The following AHR variants were observed in gnomAD, a reference collection of about 807,000 sequenced individuals.
AHR encodes AH-receptor.
Under a neutral mutation model 86.8 loss-of-function variants are expected in AHR, and 40 were observed. The ratio of observed to expected loss-of-function variants is 0.46; its 90% CI spans 0.36 to 0.60. The LOEUF is 0.60. AHR is among the 20% of genes least tolerant of loss of function. The pLI is 0.00. For synonymous variants in AHR, 398 were observed against 354.9 expected (o/e 1.12, Z -1.37); for missense variants, 1,001 against 1,011.6 (o/e 0.99, Z 0.14).
chr7:17,344,949 GA>G lies in AHR; in HGVS notation c.*1886del, dbSNP rs869124040. On this transcript the variant is annotated 3_prime_UTR_variant, in exon 11 of 11. Coordinates refer to ENST00000242057, the MANE Select transcript of AHR (RefSeq NM_001621.5). Reference sequence around the variant, plus strand: ...CAGCTCTTCTTTTCTTTAGATATGAGAGCTGAAGAGCTTAGACACATTTTGC... The same window carrying G: ...CAGCTCTTCTTTTCTTTAGATATGAGGCTGAAGAGCTTAGACACATTTTGC... 6.8e-6 allele frequency: 1 copy of G among 147,108 alleles called. No homozygotes were observed. Among genetic ancestry groups the G allele is most frequent in the Non-Finnish European group, 1.5e-5 (1 of 66,942 alleles). The allele number at this position is 147,108 out of a possible 1,614,324, so 9.1% of individuals were successfully genotyped here. A position where few individuals can be genotyped will look rare whatever the true frequency, so the allele number is the denominator to read the frequency against.
intron 4 of AHR, among the ~76,000 whole-genome samples, chr7:17,328,970 C>G (rs1388061982): frequency 2.0e-5 from 3 of 151,776 alleles, no homozygotes; most frequent in Non-Finnish European, 2.9e-5. Context: ...CATAGAAAAG[C>G]CTGTTTGAAG....
intron 1 of AHR, among the ~76,000 whole-genome samples, chr7:17,300,479 C>T (rs1781943765): frequency 6.6e-6 from 1 of 152,158 alleles, no homozygotes; most frequent in Non-Finnish European, 1.5e-5. Context: ...TTTAAAGTTT[C>T]ATTCTAAAAT....
intron 2 of AHR, 95 bp downstream of exon 2, chr7:17,310,218 C>A: frequency 8.3e-7 from 1 of 1,206,984 alleles, no homozygotes; most frequent in Non-Finnish European, 1.1e-6. Context: ...AAAAATTAGC[C>A]GTATTTGGAA....
Position 17,334,907 on chromosome 7 carries a change from A to G in AHR, c.929A>G (p.Tyr310Cys), listed in dbSNP as rs1266055543. ...CDAKGRIVLG[Y>C]TEAELCTRGS... ...AACAGAGGAAGAATTGTTTTAGGAT[A>G]TACTGAAGCAGAGCTGTGCACGAGA... Residue 310 changes from tyrosine to cysteine, a missense_variant, in exon 8 of 11, where the codon TAT becomes TGT. Tyr to Cys is a radical substitution (Grantham distance 194). Coordinates refer to ENST00000242057, the MANE Select transcript of AHR (RefSeq NM_001621.5). 2 of 1,611,606 alleles carry G rather than the reference A, an allele frequency of 1.2e-6. No individual in the cohort carries two copies.
chr7:17,319,900 C>T (rs914262479), intron 2 of AHR, among the ~76,000 whole-genome samples: 2 of 151,958 alleles, frequency 1.3e-5, no homozygotes, highest in African/African-American at 4.8e-5. Context: ...TTTAAAAGTC[C>T]ACCCTTCTCA....
chr7:17,319,477 C>A (rs147057493), intron 2 of AHR, among the ~76,000 whole-genome samples: 1 of 152,108 alleles, frequency 6.6e-6, no homozygotes, highest in African/African-American at 2.4e-5. Flanking sequence ...TTTTCTCAAT[C>A]TCCTTAAGTC....
chr7:17,299,144 TG>T lies in AHR; in HGVS notation c.-119del. Reference sequence around the variant, plus strand: ...CGCCACTGTCCCGAGAGGACGCAGGTGGAGCGGGCGCGGCTTCGCGGAACCC... The same window carrying T: ...CGCCACTGTCCCGAGAGGACGCAGGTGAGCGGGCGCGGCTTCGCGGAACCC... On this transcript the variant is annotated 5_prime_UTR_variant, in exon 1 of 11. Coordinates refer to ENST00000242057, the MANE Select transcript of AHR (RefSeq NM_001621.5). 9.1e-7 allele frequency: 1 copy of T among 1,098,164 alleles called. No individual in the cohort carries two copies. Among genetic ancestry groups the T allele is most frequent in the Non-Finnish European group, 1.2e-6 (1 of 800,048 alleles). 68.0% of individuals were successfully genotyped at this position (1,098,164 alleles called of 1,614,324 possible).
chr7:17,342,040 T>TTA (rs1289744853), intron 10 of AHR, among the ~76,000 whole-genome samples: 1 of 152,172 alleles, frequency 6.6e-6, no homozygotes, highest in East Asian at 1.9e-4. Flanking sequence ...ACTATAGATT[T>TTA]TATATATGTT....
chr7:17,324,361 C>CT (rs1782205764), intron 3 of AHR, among the ~76,000 whole-genome samples: 1 of 152,128 alleles, frequency 6.6e-6, no homozygotes, highest in South Asian at 2.1e-4. Flanking sequence ...TGACATCTGA[C>CT]TTTATATTGC....
rs965434507 is a variant in AHR at position 17,344,587 on chromosome 7, T to A, written c.*1523T>A. ...ATTAATCACCCTACCAACTTTACTG[T>A]CCTAACATGGTTTAAAAGAAAAAAT... On this transcript the variant is annotated 3_prime_UTR_variant, in exon 11 of 11. Coordinates refer to ENST00000242057, the MANE Select transcript of AHR (RefSeq NM_001621.5). The A allele has an allele frequency of 3.3e-5, 5 of 152,088 alleles. No homozygotes were observed. Among genetic ancestry groups the A allele is most frequent in the Non-Finnish European group, 7.4e-5 (5 of 67,948 alleles). 9.4% of individuals were successfully genotyped at this position (152,088 alleles called of 1,614,324 possible). A position where few individuals can be genotyped will look rare whatever the true frequency, so the allele number is the denominator to read the frequency against.
chr7:17,330,782 G>A lies in AHR; in HGVS notation c.601G>A (p.Val201Ile), dbSNP rs1180727571. Residue 201 changes from valine to isoleucine, a missense_variant, in exon 6 of 11, where the codon GTC (valine) becomes ATC (isoleucine). Val to Ile is a conservative substitution (Grantham distance 29, BLOSUM62 3). Around this residue, in one of 2 missense-constraint regions of AHR, gnomAD observed 394 missense variants for 468.5 expected, o/e 0.84. Coordinates refer to ENST00000242057, the MANE Select transcript of AHR (RefSeq NM_001621.5). ...AGCCACTGGTCTCCCCCAGACAGTA[G>A]TCTGTTATAACCCAGACCAGATTCC... ...EEATGLPQTVVCYNPDQIPPE... is the reference protein window; with the variant it reads ...EEATGLPQTVICYNPDQIPPE... 8.1e-6 allele frequency: 13 copies of A among 1,610,854 alleles called. No homozygotes were observed. Among genetic ancestry groups the A allele is most frequent in the Non-Finnish European group, 1.0e-5 (12 of 1,177,876 alleles).
chr7:17,332,640 G>A lies in AHR; in HGVS notation c.706-1272G>A, dbSNP rs184544382. On this transcript the variant is annotated intron_variant, in intron 6 of 10. Coordinates refer to ENST00000242057, the MANE Select transcript of AHR (RefSeq NM_001621.5). ...TAAAGAAAGAAAATGTTTTTGTATGGCTGTACACTGTGTTTAAGTGTTATT... is the reference window on the plus strand; with the variant it reads ...TAAAGAAAGAAAATGTTTTTGTATGACTGTACACTGTGTTTAAGTGTTATT... Among the ~76,000 whole-genome samples, 12 of 152,078 alleles carry A rather than the reference G, an allele frequency of 7.9e-5. No individual in the cohort carries two copies. The East Asian group carries it at 2.3e-3, about 29-fold the overall frequency.
intron 2 of AHR, among the ~76,000 whole-genome samples, chr7:17,312,559 TATTC>T (rs1211671871): frequency 3.3e-5 from 5 of 152,194 alleles, no homozygotes; most frequent in Admixed American, 6.6e-5. Context: ...AGTGTCCTAT[TATTC>T]AGTGCTTCAA....
chr7:17,322,309 A>C (rs1343154480), intron 2 of AHR, among the ~76,000 whole-genome samples, 192 bp from the exon 3 acceptor site: 2 of 152,010 alleles, frequency 1.3e-5, no homozygotes, highest in Admixed American at 1.3e-4. Context: ...ACTAGCATAG[A>C]ATAAGGAGCT....
intron 4 of AHR, 49 bp from the exon 5 acceptor site, chr7:17,329,903 A>G (rs1562479974): frequency 6.5e-7 from 1 of 1,529,646 alleles, no homozygotes. Flanking sequence ...ATTTAGCCAT[A>G]TTTTTTAATC....
Position 17,322,583 on chromosome 7 carries a change from A to G in AHR, c.336A>G (p.Leu112=), listed in dbSNP as rs779501119. The change falls in exon 3 of 11, where the codon TTA becomes TTG. Residue 112 remains leucine, a synonymous_variant. Transcript: ENST00000242057. ...CAAATTTCAGAGAAGGCCTGAACTT[A>G]CAAGAAGGAGAATTCTTATTACAGG... ...RAANFREGLN[L]QEGEFLLQAL... 19 of 1,610,898 alleles carry G rather than the reference A, an allele frequency of 1.2e-5. No homozygotes were observed. The Middle Eastern group carries it at 1.6e-3, about 140-fold the overall frequency.
chr7:17,308,644 A>ATTATATACAC (rs573639397), intron 1 of AHR, among the ~76,000 whole-genome samples: 101 of 152,086 alleles, frequency 6.6e-4, no homozygotes, highest in African/African-American at 2.3e-3. Context: ...ACCAATTTCT[A>ATTATATACAC]TTATATACAC....
At position 17,299,226 on chromosome 7, in the gene AHR, C is replaced by T; in HGVS notation, c.-39C>T. 1 of 1,602,832 alleles carries T rather than the reference C, an allele frequency of 6.2e-7. No individual in the cohort carries two copies. The highest frequency in any genetic ancestry group is 8.5e-7 in the Non-Finnish European group (1 of 1,176,350). On this transcript the variant is annotated 5_prime_UTR_variant, in exon 1 of 11. Transcript: ENST00000242057. ...CACCGGGTTCCGGGGACCCGGCCGC[C>T]AGTGCCCGGGGAGTAGCCGCCGCCG...
rs957574584 is a variant in AHR at position 17,324,837 on chromosome 7, C to T, written c.360+2230C>T. The stretch of plus-strand genomic sequence containing the variant: ...AAAATTTATTAAAAGTTTAAGACAT[C>T]TTTCTAGGTTAGCTTCAATTTATTA... On this transcript the variant is annotated intron_variant, in intron 3 of 10. Coordinates refer to ENST00000242057, the MANE Select transcript of AHR (RefSeq NM_001621.5). Among the ~76,000 whole-genome samples the T allele has an allele frequency of 2.5e-4, 38 of 151,902 alleles. 1 individual carries two copies. The highest frequency in any genetic ancestry group is 2.5e-3 in the Admixed American group (38 of 15,224).
Sources: gnomAD v4.1 joint callset for allele counts (sites outside exome capture counted in the v4.1 genomes callset) on GRCh38, gnomAD v4.1.1 for gene constraint, gnomAD v4.1.1 regional missense constraint, MANE v1.5 for transcripts, NCBI Gene and HGNC (gene_info 2026-07-23, HGNC 2026-07-21) for gene names.